Variants in SHPRH observed in about 807,000 individuals in gnomAD.
The protein encoded by SHPRH is SNF2 histone linker PHD RING helicase.
In SHPRH, 106 loss-of-function variants were observed where a neutral mutation model predicts 202.5. That is an observed-to-expected ratio of 0.52 (90% CI 0.45 to 0.62). SHPRH has a LOEUF of 0.62. Among genes scored for constraint, SHPRH ranks in the 20% least tolerant of loss-of-function variants. The probability of loss-of-function intolerance (pLI) is 0.00; values close to 1 mark genes in which losing one functional copy is unlikely to be tolerated. For synonymous variants in SHPRH, 729 were observed against 686.0 expected, an observed-to-expected ratio of 1.06 and a Z score of -0.98; for missense variants, 1,710 against 2,020.0, an observed-to-expected ratio of 0.85 and a Z score of 2.94.
chr6:145,910,399 A>G (rs766617557), intron 25 of SHPRH, 49 bp downstream of exon 25: 1 of 1,583,874 alleles, frequency 6.3e-7, no homozygotes, highest in South Asian at 1.1e-5. Flanking sequence ...ACTGCTTCCT[A>G]TATTATATTG....
intron 23 of SHPRH, chr6:145,917,052 C>T (rs576679368): frequency 6.6e-6 from 1 of 152,300 alleles, no homozygotes; most frequent in East Asian, 1.9e-4. Context: ...GCCACCATGC[C>T]CAGCCTGTGT....
chr6:145,926,148 G>T, intron 16 of SHPRH, 56 bp downstream of exon 16: 2 of 1,382,376 alleles, frequency 1.4e-6, no homozygotes, highest in Non-Finnish European at 1.0e-6. Flanking sequence ...CAACTATATG[G>T]AGCATAAAGT....
intron 11 of SHPRH, among the ~76,000 whole-genome samples, chr6:145,937,893 A>G (rs1786290258): frequency 6.6e-6 from 1 of 152,038 alleles, no homozygotes; most frequent in Non-Finnish European, 1.5e-5. Flanking sequence ...AGAACAAACT[A>G]TTTTTTTAAT....
chr6:145,931,986 T>A (rs1400805179), intron 14 of SHPRH, among the ~76,000 whole-genome samples: 2 of 151,988 alleles, frequency 1.3e-5, no homozygotes, highest in South Asian at 2.1e-4. Flanking sequence ...AAATTTTCAG[T>A]CTTCTTCGTT....
At chr6:145,929,990 A>G (rs2128759627) in intron 14 of SHPRH, among the ~76,000 whole-genome samples, 1 of 152,216 alleles carries the variant, frequency 6.6e-6, no homozygotes, top group Middle Eastern at 3.4e-3. Context: ...AGCACCTGTA[A>G]TATTTTATTG....
At chr6:145,860,312 A>G (rs887161803), downstream of SHPRH, among the ~76,000 whole-genome samples, 8 of 152,080 alleles carry the variant, frequency 5.3e-5, no homozygotes, top group Admixed American at 2.6e-4. Flanking sequence ...GTTACATTAC[A>G]GAACACAAAA....
intron 23 of SHPRH, chr6:145,917,285 C>T (rs1026554025): frequency 9.2e-5 from 14 of 152,058 alleles, no homozygotes; most frequent in African/African-American, 3.1e-4. Context: ...GTAGTGTTGA[C>T]ATCATTCTCA....
intron 2 of SHPRH, among the ~76,000 whole-genome samples, chr6:145,871,956 C>T (rs1780075551): frequency 1.3e-5 from 2 of 152,174 alleles, no homozygotes; most frequent in South Asian, 4.1e-4. Flanking sequence ...AAAGGATTCC[C>T]TATTTAATAA....
chr6:145,861,635 A>G (rs1454126188), downstream of SHPRH, among the ~76,000 whole-genome samples: 1 of 152,224 alleles, frequency 6.6e-6, no homozygotes, highest in Non-Finnish European at 1.5e-5. Flanking sequence ...TTGAAGAGAT[A>G]TCCATCCTCC....
chr6:145,861,668 A>T (rs370925657), downstream of SHPRH, among the ~76,000 whole-genome samples: 2 of 152,214 alleles, frequency 1.3e-5, no homozygotes, highest in African/African-American at 4.8e-5. Context: ...AGCATTATTC[A>T]CAGTAGCCAA....
At chr6:145,946,480 A>G in intron 6 of SHPRH, 139 bp from the exon 7 acceptor site, 1 of 565,288 alleles carries the variant, frequency 1.8e-6, no homozygotes. Flanking sequence ...AAATAGCTGT[A>G]GATACATACA....
chr6:145,940,498 G>C (rs1049796145), intron 11 of SHPRH, among the ~76,000 whole-genome samples: 7 of 151,334 alleles, frequency 4.6e-5, no homozygotes, highest in South Asian at 2.1e-4. Flanking sequence ...TCAACTTAAG[G>C]CAATGAGACC....
intron 2 of SHPRH, among the ~76,000 whole-genome samples, chr6:145,872,612 T>C (rs1780105607): frequency 6.6e-6 from 1 of 152,198 alleles, no homozygotes; most frequent in Non-Finnish European, 1.5e-5. Context: ...AGTTCAACCA[T>C]TGTGGAAAAC....
At chr6:145,914,915 T>C (rs1783814193) in intron 23 of SHPRH, among the ~76,000 whole-genome samples, 1 of 151,964 alleles carries the variant, frequency 6.6e-6, no homozygotes, top group African/African-American at 2.4e-5. Context: ...ACCTAAAAAA[T>C]ATGTATTCTG....
At chr6:145,911,448 T>A (rs574386232) in intron 24 of SHPRH, among the ~76,000 whole-genome samples, 129 of 152,232 alleles carry the variant, frequency 8.5e-4, no homozygotes, top group Middle Eastern at 3.4e-3. Context: ...AGAAACCCCT[T>A]GTCCTATTCG....
intron 28 of SHPRH, among the ~76,000 whole-genome samples, chr6:145,890,324 CA>C (rs1219530518): frequency 1.3e-5 from 2 of 152,160 alleles, no homozygotes; most frequent in African/African-American, 4.8e-5. Flanking sequence ...CACAAAATCC[CA>C]TTTTCTCCAA....
chr6:145,963,796 C>T lies in SHPRH; in HGVS notation c.-98G>A, dbSNP rs1269408115. The T allele has an allele frequency of 6.6e-6, 1 of 152,160 alleles. No homozygotes were observed. The highest frequency in any genetic ancestry group is 1.9e-4 in the East Asian group (1 of 5,178). The allele number at this position is 152,160 out of a possible 1,614,324, so 9.4% of individuals were successfully genotyped here. A position where few individuals can be genotyped will look rare whatever the true frequency, so the allele number is the denominator to read the frequency against. On this transcript the variant is annotated 5_prime_UTR_variant, in exon 1 of 30. Transcript: ENST00000275233. The stretch of plus-strand genomic sequence containing the variant: ...CTGAGCGGGGCTGTCAGCGCCGGAT[C>T]GCTCCCAGCAGGCCGAGCAAACAAG...
At chr6:145,959,134 C>T (rs779913249) in intron 1 of SHPRH, among the ~76,000 whole-genome samples, 4 of 152,100 alleles carry the variant, frequency 2.6e-5, no homozygotes, top group Non-Finnish European at 2.9e-5. Flanking sequence ...CGCGCCTAGC[C>T]GCATTACTTT....
In SHPRH at chr6:145,941,760, G is replaced by T; in HGVS notation, c.2353C>A (p.Pro785Thr). ...LRSELNYVDI[P>T]HSNSEDGRRL... ...CGCCCATCCTCACTATTGCTATGTGGGATATCGACATAATTTAATTCTGAA... is the reference window on the plus strand; with the variant it reads ...CGCCCATCCTCACTATTGCTATGTGTGATATCGACATAATTTAATTCTGAA... The change falls in exon 10 of 30, where the codon CCA becomes ACA. Residue 785 changes from proline (P) to threonine (T), a missense_variant. Physicochemically the swap from Pro to Thr is conservative, Grantham distance 38. Around this residue, in one of 8 missense-constraint regions of SHPRH, gnomAD observed 277 missense variants for 363.0 expected, o/e 0.76. Coordinates refer to ENST00000275233, the MANE Select transcript of SHPRH (RefSeq NM_001042683.3). 6.2e-7 allele frequency: 1 copy of T among 1,613,910 alleles called. No homozygotes were observed. Among genetic ancestry groups the T allele is most frequent in the Non-Finnish European group, 8.5e-7 (1 of 1,179,956 alleles).
Sources: allele counts gnomAD v4.1 joint callset (sites outside exome capture counted in the v4.1 genomes callset), GRCh38; gene constraint gnomAD v4.1.1; regional missense constraint gnomAD v4.1.1; transcripts MANE v1.5; gene names NCBI Gene and HGNC (gene_info 2026-07-23, HGNC 2026-07-21).